The following ARHGEF3 variants were observed in gnomAD, a reference collection of about 807,000 sequenced individuals.
ARHGEF3 encodes Rho guanine nucleotide exchange factor 3, also known as 59.8 kDA protein.
In ARHGEF3, 28 loss-of-function variants were observed where a neutral mutation model predicts 63.2. The observed-to-expected ratio is 0.44, with a 90% CI of 0.33 to 0.61. The LOEUF (loss-of-function observed/expected upper bound fraction) is 0.61, where lower values mean the gene tolerates loss of function less well. Among genes scored for constraint, ARHGEF3 ranks in the 20% least tolerant of loss-of-function variants. The pLI, the probability that ARHGEF3 is intolerant of heterozygous loss-of-function variation, is 0.03. For missense variants in ARHGEF3, 533 were observed against 659.3 expected, an observed-to-expected ratio of 0.81 and a Z score of 2.10; for synonymous variants, 266 against 254.2, an observed-to-expected ratio of 1.05 and a Z score of -0.44.
intron 1 of ARHGEF3, among the ~76,000 whole-genome samples, chr3:57,046,088 C>T (rs1579161078): frequency 6.6e-6 from 1 of 152,144 alleles, no homozygotes; most frequent in African/African-American, 2.4e-5. Context: ...TGAAATTATA[C>T]CTAGCTAGCC....
intron 4 of ARHGEF3, among the ~76,000 whole-genome samples, chr3:56,832,238 G>C (rs955700949): frequency 2.0e-5 from 3 of 152,160 alleles, no homozygotes; most frequent in Non-Finnish European, 4.4e-5. Context: ...AAAAATCATA[G>C]CAAATGCAAT....
At chr3:56,929,933 T>G (rs1005744077) in intron 3 of ARHGEF3, among the ~76,000 whole-genome samples, 1 of 152,136 alleles carries the variant, frequency 6.6e-6, no homozygotes, top group Non-Finnish European at 1.5e-5. Context: ...CAAAGGACAA[T>G]GCAACTGACA....
chr3:56,934,432 A>G lies in ARHGEF3; in HGVS notation c.129+24391T>C, dbSNP rs573458363. On this transcript the variant is annotated intron_variant, in intron 3 of 12. Coordinates refer to the ARHGEF3 transcript ENST00000338458. ...CCCTTTCTGGGCTGGCCAAGGCTGA[A>G]GCCCATTCCCTCAGCTTGCAGGGAG... Among the ~76,000 whole-genome samples, 139 of 152,322 alleles carry G rather than the reference A, an allele frequency of 9.1e-4. 2 individuals carry two copies. The highest frequency in any genetic ancestry group is 3.2e-3 in the African/African-American group (134 of 41,566).
chr3:57,017,941 C>T (rs1469452416), intron 2 of ARHGEF3, among the ~76,000 whole-genome samples: 1 of 152,178 alleles, frequency 6.6e-6, no homozygotes, highest in Non-Finnish European at 1.5e-5. Flanking sequence ...GTGCAAAGAG[C>T]ACATGCAGTA....
intron 1 of ARHGEF3, among the ~76,000 whole-genome samples, chr3:57,044,732 G>C (rs1704373564): frequency 6.6e-6 from 1 of 152,174 alleles, no homozygotes; most frequent in Non-Finnish European, 1.5e-5. Flanking sequence ...CATATCACAA[G>C]TCTCTAGTCT....
intron 4 of ARHGEF3, among the ~76,000 whole-genome samples, chr3:56,854,449 G>T (rs1010776722): frequency 3.9e-5 from 6 of 152,164 alleles, no homozygotes; most frequent in African/African-American, 1.4e-4. Flanking sequence ...AAGCAGCAAA[G>T]GATGTAAAGT....
At chr3:56,965,865 G>T (rs757331128) in intron 2 of ARHGEF3, among the ~76,000 whole-genome samples, 1 of 151,884 alleles carries the variant, frequency 6.6e-6, no homozygotes, top group Non-Finnish European at 1.5e-5. Flanking sequence ...AGCCAGGATG[G>T]TCTCAATCTC....
chr3:57,017,026 TCTCTCTCACACA>T (rs1560136936), intron 2 of ARHGEF3, among the ~76,000 whole-genome samples: 1 of 112,086 alleles, frequency 8.9e-6, no homozygotes, highest in Admixed American at 9.4e-5. Flanking sequence ...TCTCTCTCTC[TCTCTCTCACACA>T]CACACACACA....
intron 1 of ARHGEF3, chr3:57,060,926 A>G (rs1418864996): frequency 6.6e-6 from 1 of 152,142 alleles, no homozygotes; most frequent in Non-Finnish European, 1.5e-5. Context: ...CTATAAAGAA[A>G]AAGTCCAGGA....
At chr3:56,841,138 G>A (rs1184173803) in intron 4 of ARHGEF3, among the ~76,000 whole-genome samples, 7 of 152,216 alleles carry the variant, frequency 4.6e-5, no homozygotes, top group Middle Eastern at 3.4e-3. Flanking sequence ...AGGTCAAAAC[G>A]GAATGACGAA....
In ARHGEF3 at chr3:56,815,197, C is replaced by T. The variant is rs988702903; in HGVS notation, c.193-41381G>A. On this transcript the variant is annotated intron_variant, in intron 4 of 12. Coordinates refer to the ARHGEF3 transcript ENST00000338458. ...AGACATGGTATACAATCTGGCCCTA[C>T]CATTAAGTCTGTGGTCTTGGGCAAG... Among the ~76,000 whole-genome samples, 3 of 151,520 alleles carry T rather than the reference C, an allele frequency of 2.0e-5. No individual in the cohort carries two copies. In the South Asian group the frequency reaches 6.3e-4, roughly 32 times the overall value.
At chr3:57,018,769 G>C (rs1703125621) in intron 2 of ARHGEF3, among the ~76,000 whole-genome samples, 2 of 152,156 alleles carry the variant, frequency 1.3e-5, no homozygotes, top group Admixed American at 1.3e-4. Context: ...CTGAGCATGT[G>C]ACATGTATCA....
rs534187681 is a variant in ARHGEF3, at chr3:56,996,890, A to ATTTTTT, written c.63-38007_63-38002dup. Among the ~76,000 whole-genome samples the ATTTTTT allele has an allele frequency of 4.2e-3, 568 of 136,428 alleles. 2 individuals carry two copies. The highest frequency in any genetic ancestry group is 6.0e-3 in the Non-Finnish European group (385 of 64,100). The allele number at this position is 136,428 out of a possible 152,430, so 89.5% of individuals were successfully genotyped here. ...AAACATTATTATTATTATTATTATT[A>ATTTTTT]TTTTTTTTTTTTTTTGCAATTTGCT... On this transcript the variant is annotated intron_variant, in intron 2 of 12. Transcript: ENST00000338458.
intron 4 of ARHGEF3, among the ~76,000 whole-genome samples, chr3:56,856,760 G>T (rs1578688516): frequency 1.5e-5 from 2 of 133,994 alleles, no homozygotes; most frequent in Admixed American, 7.9e-5. Flanking sequence ...TGACACTTCT[G>T]CTGTAATAAA....
chr3:56,764,850 G>A (rs1234190317), intron 2 of ARHGEF3, among the ~76,000 whole-genome samples: 2 of 150,794 alleles, frequency 1.3e-5, no homozygotes, highest in African/African-American at 2.4e-5. Flanking sequence ...TCCGCCTCCC[G>A]GGTTCGAGCA....
At chr3:56,955,235 G>A (rs1578942973) in intron 3 of ARHGEF3, among the ~76,000 whole-genome samples, 1 of 126,444 alleles carries the variant, frequency 7.9e-6, no homozygotes, top group South Asian at 2.5e-4. Flanking sequence ...TCTCTTTGTT[G>A]CCCAAGCTAG....
At chr3:56,937,536 T>C (rs898728544) in intron 3 of ARHGEF3, among the ~76,000 whole-genome samples, 1 of 152,170 alleles carries the variant, frequency 6.6e-6, no homozygotes, top group African/African-American at 2.4e-5. Context: ...TAATAAAAAG[T>C]TGAAAAATAG....
At chr3:56,884,316 T>C (rs1409578343) in intron 3 of ARHGEF3, among the ~76,000 whole-genome samples, 1 of 152,170 alleles carries the variant, frequency 6.6e-6, no homozygotes, top group Admixed American at 6.5e-5. Context: ...GAGGGAGGTC[T>C]TCCCAGAGGA....
intron 3 of ARHGEF3, among the ~76,000 whole-genome samples, chr3:56,883,983 T>C (rs2040846461): frequency 6.6e-6 from 1 of 152,220 alleles, no homozygotes; most frequent in East Asian, 1.9e-4. Flanking sequence ...GAGCATTTAC[T>C]ATGTGCTGGG....
Sources: allele counts gnomAD v4.1 joint callset (sites outside exome capture counted in the v4.1 genomes callset), GRCh38; gene constraint gnomAD v4.1.1; transcripts MANE v1.5; gene names NCBI Gene and HGNC (gene_info 2026-07-23, HGNC 2026-07-21).